The following RGS7BP variants were observed in gnomAD, a reference collection of about 807,000 sequenced individuals.
The protein encoded by RGS7BP is regulator of G protein signaling 7-binding protein.
A neutral mutation model predicts 31.3 loss-of-function variants in RGS7BP; 9 were observed. That is an observed-to-expected ratio of 0.29 (90% CI 0.17 to 0.50). The LOEUF is 0.50. Among genes scored for constraint, RGS7BP ranks in the 20% least tolerant of loss-of-function variants. RGS7BP has a pLI of 0.98. For synonymous variants in RGS7BP, 115 were observed against 120.1 expected, an observed-to-expected ratio of 0.96 and a Z score of 0.28; for missense variants, 274 against 322.0, an observed-to-expected ratio of 0.85 and a Z score of 1.14.
intron 2 of RGS7BP, among the ~76,000 whole-genome samples, chr5:64,511,241 C>A (rs1460408293): frequency 6.6e-6 from 1 of 152,236 alleles, no homozygotes; most frequent in Non-Finnish European, 1.5e-5. Flanking sequence ...TCCACAAATA[C>A]AATCAACACG....
Position 64,598,366 on chromosome 5 carries a change from G to C in RGS7BP, c.613G>C (p.Asp205His), listed in dbSNP as rs1054048220. Residue 205 changes from aspartate to histidine, a missense_variant and splice_region_variant, in exon 5 of 6, where the codon GAC (aspartate) becomes CAC (histidine). Asp to His is a moderately conservative substitution (Grantham distance 81). Transcript: ENST00000334025. ...TCTGTCTTTTTATCAATTTTACAGAGACATGAGAGAAATGAAAAACCTTTT... is the reference window on the plus strand; with the variant it reads ...TCTGTCTTTTTATCAATTTTACAGACACATGAGAGAAATGAAAAACCTTTT... ...VSTDIENTER[D>H]MREMKNLLSK... The C allele has an allele frequency of 7.7e-6, 12 of 1,556,140 alleles. No homozygotes were observed. The highest frequency in any genetic ancestry group is 4.1e-5 in the African/African-American group (3 of 73,726).
intron 2 of RGS7BP, among the ~76,000 whole-genome samples, chr5:64,523,242 G>A (rs1749152869): frequency 6.6e-6 from 1 of 152,206 alleles, no homozygotes; most frequent in African/African-American, 2.4e-5. Flanking sequence ...AGTGCTGTTG[G>A]GGTGAGCCCG....
At chr5:64,589,646 A>G (rs1742854669) in intron 3 of RGS7BP, among the ~76,000 whole-genome samples, 2 of 152,164 alleles carry the variant, frequency 1.3e-5, no homozygotes, top group Admixed American at 1.3e-4. Flanking sequence ...ATAAAGTAAC[A>G]TGACAGGCCA....
intron 2 of RGS7BP, among the ~76,000 whole-genome samples, chr5:64,530,139 G>A (rs1278677687): frequency 1.3e-5 from 2 of 152,156 alleles, no homozygotes; most frequent in South Asian, 2.1e-4. Flanking sequence ...TGAGATAGTC[G>A]GGTCAAATGT....
chr5:64,603,373 TTC>T (rs1187583071), intron 5 of RGS7BP, among the ~76,000 whole-genome samples: 1 of 152,154 alleles, frequency 6.6e-6, no homozygotes, highest in Non-Finnish European at 1.5e-5. Flanking sequence ...GGGGGGAACT[TTC>T]TGGAGCAGTG....
At chr5:64,573,395 G>A (rs1742345194) in intron 2 of RGS7BP, among the ~76,000 whole-genome samples, 1 of 152,054 alleles carries the variant, frequency 6.6e-6, no homozygotes, top group African/African-American at 2.4e-5. Flanking sequence ...TATGAAGTTT[G>A]CGTATTTTTG....
chr5:64,524,875 G>A (rs547577230), intron 2 of RGS7BP, among the ~76,000 whole-genome samples: 5 of 152,162 alleles, frequency 3.3e-5, no homozygotes, highest in African/African-American at 1.2e-4. Flanking sequence ...CAGGCACGGG[G>A]CTTGTCTTGA....
intron 2 of RGS7BP, among the ~76,000 whole-genome samples, chr5:64,515,579 A>G (rs1389362683): frequency 6.6e-6 from 1 of 152,152 alleles, no homozygotes; most frequent in Non-Finnish European, 1.5e-5. Context: ...GTCTTATCCC[A>G]GAAAGACAAC....
intron 2 of RGS7BP, among the ~76,000 whole-genome samples, chr5:64,521,044 C>T (rs964987729): frequency 1.4e-4 from 22 of 152,162 alleles, no homozygotes; most frequent in African/African-American, 4.6e-4. Flanking sequence ...AAAATCATCA[C>T]GGTAATTATC....
intron 3 of RGS7BP, among the ~76,000 whole-genome samples, chr5:64,586,118 C>G (rs574856418): frequency 1.3e-5 from 2 of 152,220 alleles, no homozygotes; most frequent in Admixed American, 6.5e-5. Flanking sequence ...GGCAAGGAGC[C>G]CACCTGATAT....
intron 3 of RGS7BP, among the ~76,000 whole-genome samples, chr5:64,592,647 T>C (rs1458088216): frequency 6.6e-6 from 1 of 152,102 alleles, no homozygotes; most frequent in Non-Finnish European, 1.5e-5. Flanking sequence ...GGCTCTATAG[T>C]CTGGACCTCA....
chr5:64,556,332 TGATTTAAAGTGG>T, intron 2 of RGS7BP, among the ~76,000 whole-genome samples: 1 of 56,308 alleles, frequency 1.8e-5, no homozygotes, highest in Non-Finnish European at 4.7e-5. Context: ...GTGGTTGAAA[TGATTTAAAGTGG>T]AAATGATTTA....
intron 3 of RGS7BP, among the ~76,000 whole-genome samples, chr5:64,593,975 C>G (rs11749417): frequency 1.3e-5 from 2 of 152,156 alleles, no homozygotes; most frequent in Non-Finnish European, 2.9e-5. Context: ...AAATTTATGG[C>G]TGAACCAGTT....
chr5:64,576,128 G>A (rs1057328329), intron 3 of RGS7BP, among the ~76,000 whole-genome samples: 2 of 152,192 alleles, frequency 1.3e-5, no homozygotes, highest in Admixed American at 1.3e-4. Context: ...GGCAGCAACA[G>A]TTCTCAAATT....
At chr5:64,507,170 C>T (rs1274651259) in intron 1 of RGS7BP, among the ~76,000 whole-genome samples, 1 of 152,202 alleles carries the variant, frequency 6.6e-6, no homozygotes, top group East Asian at 1.9e-4. Flanking sequence ...ATACAGCGCA[C>T]GGGGCGCTGC....
At chr5:64,508,306 A>C (rs544998979) in intron 2 of RGS7BP, among the ~76,000 whole-genome samples, 30 of 152,330 alleles carry the variant, frequency 2.0e-4, no homozygotes, top group African/African-American at 7.2e-4. Context: ...TTATACCATG[A>C]GATAAATTCC....
chr5:64,575,236 A>G (rs947620857), intron 2 of RGS7BP, among the ~76,000 whole-genome samples: 17 of 152,168 alleles, frequency 1.1e-4, no homozygotes, highest in Non-Finnish European at 1.9e-4. Flanking sequence ...TTCATTAAAA[A>G]CATTTGGTCT....
At chr5:64,577,052 T>C (rs1171319244) in intron 3 of RGS7BP, among the ~76,000 whole-genome samples, 1 of 147,160 alleles carries the variant, frequency 6.8e-6, no homozygotes, top group African/African-American at 2.6e-5. Flanking sequence ...AAGAAAGATA[T>C]TTCATATGAG....
At chr5:64,556,439 A>C (rs1405041931) in intron 2 of RGS7BP, among the ~76,000 whole-genome samples, 5 of 148,780 alleles carry the variant, frequency 3.4e-5, no homozygotes, top group African/African-American at 1.3e-4. Flanking sequence ...ACACACACAC[A>C]CACACACACA....
Sources: allele counts gnomAD v4.1 joint callset (sites outside exome capture counted in the v4.1 genomes callset), GRCh38; gene constraint gnomAD v4.1.1; transcripts MANE v1.5; gene names NCBI Gene and HGNC (gene_info 2026-07-23, HGNC 2026-07-21).